TAF3: variants seen among roughly 807,000 people sequenced by gnomAD.
TAF3 encodes the protein transcription initiation factor TFIID subunit 3.
In TAF3, 7 loss-of-function variants were observed where a neutral mutation model predicts 80.6. The observed-to-expected ratio is 0.09, with a 90% confidence interval of 0.05 to 0.16. TAF3 has a LOEUF of 0.16. Ranked by LOEUF, TAF3 falls within the 10% of genes least tolerant of loss-of-function variation. TAF3 has a pLI of 1.00. For synonymous variants in TAF3, 444 were observed against 446.1 expected (o/e 1.00, Z 0.06); for missense variants, 921 against 1,140.2 (o/e 0.81, Z 2.77).
chr10:8,007,030 A>G (rs1021276798), intron 4 of TAF3, among the ~76,000 whole-genome samples: 1 of 152,168 alleles, frequency 6.6e-6, no homozygotes, highest in African/African-American at 2.4e-5. Context: ...TGAGGTGAGG[A>G]TGGCCATATT....
At chr10:7,898,810 T>C (rs1837531445) in intron 2 of TAF3, among the ~76,000 whole-genome samples, 1 of 152,180 alleles carries the variant, frequency 6.6e-6, no homozygotes, top group Non-Finnish European at 1.5e-5. Flanking sequence ...TTTGTTTTCT[T>C]TGAGTTTTTT....
intron 2 of TAF3, among the ~76,000 whole-genome samples, chr10:7,948,957 G>A (rs1203168764): frequency 6.6e-6 from 1 of 152,246 alleles, no homozygotes; most frequent in African/African-American, 2.4e-5. Flanking sequence ...TGTAGGAACA[G>A]CTTCCTCAGA....
chr10:7,965,517 C>T lies in TAF3; in HGVS notation c.2007C>T (p.Ala669=). 1.2e-6 allele frequency: 2 copies of T among 1,603,184 alleles called. No individual in the cohort carries two copies. The highest frequency in any genetic ancestry group is 1.1e-5 in the South Asian group (1 of 87,958). ...KELALPLFSP[A]TASRVPAMLP... ...TGGCCCTGCCCTTGTTCAGCCCTGCCACAGCCTCCAGGGTCCCAGCCATGC... is the reference window on the plus strand; with the variant it reads ...TGGCCCTGCCCTTGTTCAGCCCTGCTACAGCCTCCAGGGTCCCAGCCATGC... Residue 669 remains alanine (A), a synonymous_variant, in exon 3 of 7, where the codon GCC becomes GCT. Transcript: ENST00000344293.
chr10:7,968,377 A>G (rs940132497), intron 3 of TAF3, among the ~76,000 whole-genome samples: 1 of 152,230 alleles, frequency 6.6e-6, no homozygotes, highest in African/African-American at 2.4e-5. Flanking sequence ...CTGCTTATAA[A>G]GCTGATACCA....
chr10:7,837,486 T>C (rs1346644117), intron 2 of TAF3, among the ~76,000 whole-genome samples: 1 of 151,614 alleles, frequency 6.6e-6, no homozygotes, highest in Non-Finnish European at 1.5e-5. Flanking sequence ...CTACTAAAAA[T>C]ACAAAAATTA....
At chr10:7,847,232 A>T (rs1836980921) in intron 2 of TAF3, among the ~76,000 whole-genome samples, 1 of 152,216 alleles carries the variant, frequency 6.6e-6, no homozygotes, top group African/African-American at 2.4e-5. Context: ...ATGACATCTG[A>T]TAATATTTCA....
At chr10:7,966,532 G>A (rs1319812278) in intron 3 of TAF3, among the ~76,000 whole-genome samples, 1 of 152,176 alleles carries the variant, frequency 6.6e-6, no homozygotes, top group South Asian at 2.1e-4. Flanking sequence ...TGGTTTCTTG[G>A]ATTACAGCAG....
At chr10:8,003,616 T>C (rs891073135) in intron 4 of TAF3, among the ~76,000 whole-genome samples, 4 of 152,256 alleles carry the variant, frequency 2.6e-5, no homozygotes, top group African/African-American at 9.6e-5. Flanking sequence ...AACCAACTTA[T>C]AAGAAACTAT....
At chr10:7,856,119 A>G (rs1837076758) in intron 2 of TAF3, among the ~76,000 whole-genome samples, 1 of 152,162 alleles carries the variant, frequency 6.6e-6, no homozygotes. Flanking sequence ...AAATCATGGC[A>G]GCAGAAATTT....
At chr10:7,864,329 A>G (rs1837188123) in intron 2 of TAF3, among the ~76,000 whole-genome samples, 1 of 152,194 alleles carries the variant, frequency 6.6e-6, no homozygotes, top group African/African-American at 2.4e-5. Context: ...AGATATCATC[A>G]TTATATGTTA....
intron 2 of TAF3, among the ~76,000 whole-genome samples, chr10:7,833,041 T>C (rs1252675366): frequency 6.6e-6 from 1 of 152,218 alleles, no homozygotes; most frequent in Non-Finnish European, 1.5e-5. Flanking sequence ...CACCCTGTGG[T>C]GCTATTAAAG....
rs111580970 is a variant in TAF3 at position 7,904,763 on chromosome 10, G to A, written c.410-59157G>A. On this transcript the variant is annotated intron_variant, in intron 2 of 6. Transcript: ENST00000344293. Reference sequence around the variant, plus strand: ...TAGTAGAAATTTGGAATAGTTACCAGCATTTGAAACTTGGGGTTTTTTCCA... The same window carrying A: ...TAGTAGAAATTTGGAATAGTTACCAACATTTGAAACTTGGGGTTTTTTCCA... Among the ~76,000 whole-genome samples, 684 of 152,038 alleles carry A rather than the reference G, an allele frequency of 4.5e-3. 2 individuals carry two copies. The highest frequency in any genetic ancestry group is 0.013 in the South Asian group (64 of 4,826).
chr10:8,012,700 C>G (rs1832066953), intron 5 of TAF3, among the ~76,000 whole-genome samples: 1 of 152,174 alleles, frequency 6.6e-6, no homozygotes, highest in African/African-American at 2.4e-5. Flanking sequence ...AGGAAGTTTT[C>G]CTGTCAATGT....
intron 4 of TAF3, among the ~76,000 whole-genome samples, chr10:7,998,794 G>A (rs540663545): frequency 2.6e-5 from 4 of 150,962 alleles, no homozygotes; most frequent in Admixed American, 6.6e-5. Flanking sequence ...AGCCGGGATC[G>A]CGCCACTGCA....
At chr10:7,843,494 T>G (rs938180198) in intron 2 of TAF3, among the ~76,000 whole-genome samples, 6 of 152,198 alleles carry the variant, frequency 3.9e-5, no homozygotes, top group Non-Finnish European at 8.8e-5. Context: ...TTTAAGTAAC[T>G]TTTAATCTTT....
intron 2 of TAF3, among the ~76,000 whole-genome samples, chr10:7,949,018 G>GGCT (rs764087105): frequency 4.6e-5 from 7 of 152,254 alleles, no homozygotes; most frequent in Non-Finnish European, 1.0e-4. Flanking sequence ...AGCTGTGCCC[G>GGCT]GCTGCTGCCG....
intron 4 of TAF3, among the ~76,000 whole-genome samples, chr10:7,980,311 A>T (rs1458655332): frequency 2.0e-5 from 3 of 152,232 alleles, no homozygotes; most frequent in Non-Finnish European, 4.4e-5. Context: ...TTACTTTCTG[A>T]GTCTTAAATA....
chr10:7,841,517 A>C (rs1375746261), intron 2 of TAF3, among the ~76,000 whole-genome samples: 5 of 152,236 alleles, frequency 3.3e-5, no homozygotes, highest in Non-Finnish European at 7.3e-5. Flanking sequence ...GGAATAAGGG[A>C]ATCAATGGAT....
chr10:7,988,687 G>T (rs1238915074), intron 4 of TAF3, among the ~76,000 whole-genome samples: 1 of 145,074 alleles, frequency 6.9e-6, no homozygotes, highest in Non-Finnish European at 1.5e-5. Flanking sequence ...GGAGTTTGAG[G>T]CTACAGTGAG....
Sources: gnomAD v4.1 joint callset for allele counts (sites outside exome capture counted in the v4.1 genomes callset) on GRCh38, gnomAD v4.1.1 for gene constraint, MANE v1.5 for transcripts, NCBI Gene and HGNC (gene_info 2026-07-23, HGNC 2026-07-21) for gene names.